The following ESRRG variants were observed in gnomAD, a reference collection of about 807,000 sequenced individuals.
ESRRG encodes estrogen-related receptor gamma.
Under a neutral mutation model 44.0 loss-of-function variants are expected in ESRRG, and 13 were observed. The observed-to-expected ratio is 0.30, with a 90% CI of 0.19 to 0.47. The LOEUF (loss-of-function observed/expected upper bound fraction) is 0.47, where lower values mean the gene tolerates loss of function less well. Among genes scored for constraint, ESRRG ranks in the 20% least tolerant of loss-of-function variants. ESRRG has a pLI of 1.00. For synonymous variants in ESRRG, 215 were observed against 214.6 expected (o/e 1.00, Z -0.02); for missense variants, 395 against 580.6 (o/e 0.68, Z 3.29).
At chr1:216,969,540 T>C (rs1015062175) in intron 1 of ESRRG, among the ~76,000 whole-genome samples, 4 of 152,208 alleles carry the variant, frequency 2.6e-5, no homozygotes, top group Non-Finnish European at 4.4e-5. Flanking sequence ...ATTGACTGAC[T>C]GATGTTTTAG....
At chr1:216,652,769 T>C (rs1220921945) in intron 2 of ESRRG, among the ~76,000 whole-genome samples, 1 of 152,112 alleles carries the variant, frequency 6.6e-6, no homozygotes, top group African/African-American at 2.4e-5. Flanking sequence ...GATGAACCAC[T>C]CTTCACTGCA....
At chr1:216,868,063 G>C (rs2096198308) in intron 2 of ESRRG, among the ~76,000 whole-genome samples, 1 of 127,556 alleles carries the variant, frequency 7.8e-6, no homozygotes, top group African/African-American at 2.9e-5. Context: ...TGTCCAAATT[G>C]TTGTGTATAT....
chr1:216,992,555 G>A (rs1448810018), intron 1 of ESRRG, among the ~76,000 whole-genome samples: 1 of 152,174 alleles, frequency 6.6e-6, no homozygotes, highest in African/African-American at 2.4e-5. Flanking sequence ...TTGTATTAAT[G>A]GGGGAGAAAG....
intron 1 of ESRRG, among the ~76,000 whole-genome samples, chr1:216,698,362 A>G (rs1180836136): frequency 2.6e-5 from 4 of 151,056 alleles, no homozygotes; most frequent in African/African-American, 7.3e-5. Flanking sequence ...CTAAAAATAC[A>G]AAAAAAATTA....
chr1:217,044,283 C>T (rs1246834598), intron 1 of ESRRG, among the ~76,000 whole-genome samples: 2 of 152,098 alleles, frequency 1.3e-5, no homozygotes, highest in East Asian at 1.9e-4. Flanking sequence ...GCACATTAGC[C>T]TCCCTAATAC....
At position 216,515,541 on chromosome 1, in the gene ESRRG, G is replaced by T. The variant is rs115987654; in HGVS notation, c.1132+3611C>A. Among the ~76,000 whole-genome samples, 270 of 152,164 alleles carry T rather than the reference G, an allele frequency of 1.8e-3. 2 individuals carry two copies. Among genetic ancestry groups the T allele is most frequent in the African/African-American group, 6.1e-3 (254 of 41,514 alleles). ...CATTTGTCCTTAAGAACAACAGAAT[G>T]CTGTCATGAGGTTGTTAGAGTTATT... On this transcript the variant is annotated intron_variant, in intron 6 of 6. Coordinates refer to ENST00000408911, the MANE Select transcript of ESRRG (RefSeq NM_001438.4).
At chr1:216,736,205 C>CA (rs1331082397) in intron 2 of ESRRG, among the ~76,000 whole-genome samples, 2 of 108,098 alleles carry the variant, frequency 1.9e-5, no homozygotes, top group Non-Finnish European at 3.5e-5. Context: ...TTTTTTGAGA[C>CA]AGAGTCTCGC....
chr1:216,907,373 C>T (rs890357544), intron 2 of ESRRG, among the ~76,000 whole-genome samples: 31 of 152,138 alleles, frequency 2.0e-4, no homozygotes, highest in Admixed American at 2.0e-3. Context: ...TTAGGGATTC[C>T]GGCTCGGCAA....
chr1:216,936,170 G>T (rs1442867029), intron 2 of ESRRG, among the ~76,000 whole-genome samples: 1 of 151,992 alleles, frequency 6.6e-6, no homozygotes, highest in African/African-American at 2.4e-5. Flanking sequence ...TGTGAAGGTT[G>T]GGGGTGTTGT....
intron 1 of ESRRG, among the ~76,000 whole-genome samples, chr1:217,029,138 A>G (rs2081652189): frequency 6.6e-6 from 1 of 152,210 alleles, no homozygotes; most frequent in South Asian, 2.1e-4. Flanking sequence ...TTACCTGTAT[A>G]AATAGAAAGA....
intron 3 of ESRRG, among the ~76,000 whole-genome samples, chr1:216,593,143 G>A (rs1333473719): frequency 6.6e-6 from 1 of 152,170 alleles, no homozygotes; most frequent in Non-Finnish European, 1.5e-5. Flanking sequence ...TGTTCAGGTT[G>A]CTCAATGTGA....
chr1:216,949,841 C>T (rs559176102), intron 1 of ESRRG, among the ~76,000 whole-genome samples: 23 of 148,600 alleles, frequency 1.5e-4, no homozygotes, highest in African/African-American at 5.2e-4. Context: ...CTGAGACAGT[C>T]TTGATCTGTC....
intron 1 of ESRRG, among the ~76,000 whole-genome samples, chr1:216,980,039 CCTTT>C (rs145164741): frequency 0.045 from 6,815 of 152,138 alleles, 471 homozygotes; most frequent in African/African-American, 0.15. Flanking sequence ...CTATTTTTCC[CCTTT>C]CTTTTCTTTC....
At chr1:216,518,720 C>G (rs1572124848) in intron 6 of ESRRG, among the ~76,000 whole-genome samples, 1 of 152,048 alleles carries the variant, frequency 6.6e-6, no homozygotes, top group African/African-American at 2.4e-5. Context: ...CTTTGATAAC[C>G]AAAACTCAAA....
intron 1 of ESRRG, among the ~76,000 whole-genome samples, chr1:216,708,305 T>C (rs1245371563): frequency 1.3e-5 from 2 of 152,088 alleles, no homozygotes; most frequent in African/African-American, 2.4e-5. Context: ...ATAAAAGTAA[T>C]ATATATTACC....
chr1:217,000,260 G>A (rs1465892414), intron 1 of ESRRG: 1 of 152,208 alleles, frequency 6.6e-6, no homozygotes, highest in Non-Finnish European at 1.5e-5. Flanking sequence ...CACAGTTCTG[G>A]AGGCTAGAAG....
intron 2 of ESRRG, among the ~76,000 whole-genome samples, chr1:216,821,689 A>T (rs1313286910): frequency 1.8e-5 from 2 of 113,128 alleles, no homozygotes; most frequent in East Asian, 5.1e-4. Flanking sequence ...TGCCTCAGGA[A>T]AAATAAATAA....
chr1:216,831,735 C>A (rs2095490756), intron 2 of ESRRG, among the ~76,000 whole-genome samples: 1 of 151,992 alleles, frequency 6.6e-6, no homozygotes, highest in African/African-American at 2.4e-5. Context: ...ATTTTCCAGG[C>A]AATGAAGTGA....
At chr1:216,825,433 G>T (rs1045021808) in intron 2 of ESRRG, among the ~76,000 whole-genome samples, 4 of 152,184 alleles carry the variant, frequency 2.6e-5, no homozygotes, top group Non-Finnish European at 4.4e-5. Context: ...AGCAGGCAAA[G>T]ATAAGGAGGT....
Sources: allele counts gnomAD v4.1 joint callset (sites outside exome capture counted in the v4.1 genomes callset), GRCh38; gene constraint gnomAD v4.1.1; transcripts MANE v1.5; gene names NCBI Gene and HGNC (gene_info 2026-07-23, HGNC 2026-07-21).